Variants in TMEM223 observed in about 807,000 individuals in gnomAD.
TMEM223 encodes the protein transmembrane protein 223.
Under a neutral mutation model 14.1 loss-of-function variants are expected in TMEM223, and 14 were observed. The observed-to-expected ratio is 0.99, with a 90% CI of 0.66 to 1.55. The LOEUF (loss-of-function observed/expected upper bound fraction) is 1.55. Among genes scored for constraint, TMEM223 ranks in the 40% most tolerant of loss-of-function variants. The pLI is 0.00. For synonymous variants in TMEM223, 145 were observed against 120.5 expected, an observed-to-expected ratio of 1.20 and a Z score of -1.33; for missense variants, 346 against 269.9, an observed-to-expected ratio of 1.28 and a Z score of -1.97.
downstream of TMEM223, chr11:62,787,018 C>T: frequency 6.7e-7 from 1 of 1,491,750 alleles, no homozygotes; most frequent in Non-Finnish European, 8.9e-7. Flanking sequence ...GCATCGGGCG[C>T]GCGGGGCACC....
At chr11:62,772,176 A>T in intron 2 of TMEM223, 1 of 456,172 alleles carries the variant, frequency 2.2e-6, no homozygotes. Flanking sequence ...ATTATTGAGA[A>T]TATAGTGAAG....
chr11:62,786,450 C>T, downstream of TMEM223: 1 of 1,596,578 alleles, frequency 6.3e-7, no homozygotes, highest in Non-Finnish European at 8.6e-7. Context: ...AGCAGGCTTA[C>T]TTTGGAATAT....
At chr11:62,790,948 T>TTTC in intron 1 of TMEM223, 33 bp from the exon 2 acceptor site, 1 of 1,503,854 alleles carries the variant, frequency 6.6e-7, no homozygotes, top group Non-Finnish European at 8.9e-7. Context: ...GGTGAGGGGT[T>TTTC]TTCACTGGGC....
downstream of TMEM223, among the ~76,000 whole-genome samples, chr11:62,785,229 T>C (rs2134724504): frequency 6.6e-6 from 1 of 151,890 alleles, no homozygotes; most frequent in Non-Finnish European, 1.5e-5. Flanking sequence ...TCTCACACTG[T>C]CACCCAGGCT....
At chr11:62,788,220 T>C (rs78389153), downstream of TMEM223, among the ~76,000 whole-genome samples, 782 of 147,606 alleles carry the variant, frequency 5.3e-3, 43 homozygotes, top group East Asian at 0.13. Flanking sequence ...CTGGCCAACA[T>C]GGCAAAACTC....
At chr11:62,787,264 C>A (rs766702963), downstream of TMEM223, 57 of 1,564,084 alleles carry the variant, frequency 3.6e-5, no homozygotes, top group Non-Finnish European at 4.7e-5. Context: ...CCGGTGGGCG[C>A]TCTCGGACTA....
chr11:62,772,997 C>A (rs1235749396), intron 2 of TMEM223, among the ~76,000 whole-genome samples: 1 of 151,350 alleles, frequency 6.6e-6, no homozygotes, highest in African/African-American at 2.4e-5. Context: ...CCTGCCTCAG[C>A]CTCCTGGGTA....
chr11:62,791,867 C>A lies in TMEM223; in HGVS notation c.128G>T (p.Arg43Leu), dbSNP rs761982656. ...GAACAGCCCGAGGATGGTGAAGAAGCGGCCCCGATCATGCTCAAAGAGCAG... is the reference window on the plus strand; with the variant it reads ...GAACAGCCCGAGGATGGTGAAGAAGAGGCCCCGATCATGCTCAAAGAGCAG... ...DVLLFEHDRG[R>L]FFTILGLFCA... Residue 43 changes from arginine to leucine, a missense_variant, in exon 1 of 2, where the codon CGC becomes CTC. Transcript: ENST00000307366. 6.3e-7 allele frequency: 1 copy of A among 1,592,314 alleles called. No individual in the cohort carries two copies. The highest frequency in any genetic ancestry group is 8.5e-7 in the Non-Finnish European group (1 of 1,170,150).
downstream of TMEM223, among the ~76,000 whole-genome samples, chr11:62,783,220 C>T (rs1001847289): frequency 3.9e-5 from 6 of 152,188 alleles, no homozygotes; most frequent in African/African-American, 7.2e-5. Flanking sequence ...CAGTGGCTCA[C>T]GCCTGTAATC....
chr11:62,778,269 T>TCTGCA (rs747554792), intron 1 of TMEM223: 4 of 1,614,160 alleles, frequency 2.5e-6, no homozygotes, highest in Non-Finnish European at 3.4e-6. Flanking sequence ...GACACATCTC[T>TCTGCA]CTGCACTGCT....
In TMEM223 at chr11:62,790,848, A is replaced by T; in HGVS notation, c.384T>A (p.Ala128=). 1 of 1,605,022 alleles carries T rather than the reference A, an allele frequency of 6.2e-7. No homozygotes were observed. The highest frequency in any genetic ancestry group is 1.7e-4 in the Middle Eastern group (1 of 6,054). ...TGGTGAGGGTCACCTGCTGCCCTCC[A>T]GCTCGAAGCACCACTGAGCGCACAG... ...LRSVRSVVLR[A]GGQQVTLTTH... is the part of the protein sequence containing the mutation. The change falls in exon 2 of 2, where the codon GCT becomes GCA. Residue 128 remains alanine (A), a synonymous_variant. Coordinates refer to ENST00000307366, the MANE Select transcript of TMEM223 (RefSeq NM_001080501.3).
At chr11:62,780,794 G>A (rs934906071) in intron 1 of TMEM223, among the ~76,000 whole-genome samples, 2 of 150,602 alleles carry the variant, frequency 1.3e-5, no homozygotes, top group African/African-American at 2.4e-5. Context: ...AAAATTAGCC[G>A]GGCTTGGTGG....
downstream of TMEM223, chr11:62,789,186 G>A (rs1482655322): frequency 1.2e-6 from 2 of 1,614,200 alleles, no homozygotes; most frequent in African/African-American, 1.3e-5. Context: ...TGGATCTACA[G>A]CAGCTGCATC....
Position 62,790,838 on chromosome 11 carries a change from G to A in TMEM223, c.394C>T (p.Gln132Ter). ...GGGGCATGAGTGGTGAGGGTCACCTGCTGCCCTCCAGCTCGAAGCACCACT... is the reference window on the plus strand; with the variant it reads ...GGGGCATGAGTGGTGAGGGTCACCTACTGCCCTCCAGCTCGAAGCACCACT... ...RSVVLRAGGQQVTLTTHAPFG... is the reference protein window; with the variant it reads ...RSVVLRAGGQ Residue 132 changes from glutamine (Q) to a stop codon, truncating the protein, a stop_gained, in exon 2 of 2, where the codon CAG becomes TAG. Transcript: ENST00000307366. LOFTEE classifies it high-confidence loss of function. 2 of 1,605,218 alleles carry A rather than the reference G, an allele frequency of 1.2e-6. No homozygotes were observed. The highest frequency in any genetic ancestry group is 1.7e-6 in the Non-Finnish European group (2 of 1,175,884).
downstream of TMEM223, chr11:62,789,138 G>A: frequency 1.2e-6 from 2 of 1,614,158 alleles, no homozygotes; most frequent in Non-Finnish European, 1.7e-6. Context: ...GGGGCCTCTG[G>A]CCTCTTGGCC....
chr11:62,791,053 C>CAAAA, intron 1 of TMEM223, 138 bp from the exon 2 acceptor site: 1 of 899,876 alleles, frequency 1.1e-6, no homozygotes, highest in Non-Finnish European at 1.6e-6. Context: ...GACTGAGTCT[C>CAAAA]ACTCTGCCGG....
chr11:62,786,407 C>T, downstream of TMEM223: 2 of 1,609,668 alleles, frequency 1.2e-6, no homozygotes, highest in South Asian at 1.1e-5. Context: ...CGTCCCCTTC[C>T]AGCCTCCCTT....
chr11:62,791,245 A>C (rs994613689), intron 1 of TMEM223, among the ~76,000 whole-genome samples: 12 of 151,924 alleles, frequency 7.9e-5, no homozygotes, highest in African/African-American at 2.9e-4. Flanking sequence ...CGGCGCTCGG[A>C]GACATCACTG....
chr11:62,788,679 A>AC, downstream of TMEM223, among the ~76,000 whole-genome samples: 1 of 150,570 alleles, frequency 6.6e-6, no homozygotes, highest in East Asian at 1.9e-4. Context: ...ACTCCAGCAA[A>AC]AAAAAAAAAA....
Sources: gnomAD v4.1 joint callset for allele counts (sites outside exome capture counted in the v4.1 genomes callset) on GRCh38, gnomAD v4.1.1 for gene constraint, MANE v1.5 for transcripts, NCBI Gene and HGNC (gene_info 2026-07-23, HGNC 2026-07-21) for gene names.